PRKG1: variants seen among roughly 807,000 people sequenced by gnomAD.
The protein encoded by PRKG1 is protein kinase cGMP-dependent 1.
A neutral mutation model predicts 88.1 loss-of-function variants in PRKG1; 35 were observed. The observed-to-expected ratio is 0.40, with a 90% CI of 0.30 to 0.53. The LOEUF (loss-of-function observed/expected upper bound fraction) is 0.53. Among genes scored for constraint, PRKG1 ranks in the 20% least tolerant of loss-of-function variants. The pLI is 0.59. For synonymous variants in PRKG1, 303 were observed against 292.5 expected (o/e 1.04, Z -0.37); for missense variants, 540 against 839.8 (o/e 0.64, Z 4.41).
intron 3 of PRKG1, among the ~76,000 whole-genome samples, chr10:51,680,015 CT>C (rs1840809546): frequency 6.6e-6 from 1 of 152,118 alleles, no homozygotes; most frequent in Admixed American, 6.5e-5. Context: ...TACCTACAAC[CT>C]CCCCCTTCCA....
intron 8 of PRKG1, among the ~76,000 whole-genome samples, chr10:52,140,772 G>A (rs1304417372): frequency 6.6e-6 from 1 of 151,692 alleles, no homozygotes; most frequent in Non-Finnish European, 1.5e-5. Flanking sequence ...ACCACTCTAA[G>A]ATCACCAACT....
intron 5 of PRKG1, among the ~76,000 whole-genome samples, chr10:52,011,722 AC>A (rs1313632183): frequency 1.3e-5 from 2 of 151,934 alleles, no homozygotes; most frequent in Non-Finnish European, 2.9e-5. Flanking sequence ...ATTTCTAGTC[AC>A]CTCTTGATAT....
At chr10:51,807,436 G>A (rs904393437) in intron 4 of PRKG1, among the ~76,000 whole-genome samples, 9 of 152,066 alleles carry the variant, frequency 5.9e-5, no homozygotes, top group Admixed American at 1.3e-4. Context: ...ATAAAAAGAC[G>A]GGTTAACAAG....
chr10:52,167,959 A>G (rs1838535851), intron 9 of PRKG1, among the ~76,000 whole-genome samples: 1 of 152,192 alleles, frequency 6.6e-6, no homozygotes, highest in African/African-American at 2.4e-5. Flanking sequence ...ATGGACAGAT[A>G]GATTTTCATC....
At chr10:51,209,102 C>A (rs745946691) in intron 2 of PRKG1, among the ~76,000 whole-genome samples, 3 of 152,286 alleles carry the variant, frequency 2.0e-5, no homozygotes, top group Non-Finnish European at 4.4e-5. Flanking sequence ...ATGATATATT[C>A]ACTTTCAGGT....
In PRKG1 at chr10:52,252,398, C is replaced by G. The variant is rs1323477808; in HGVS notation, c.1173+732C>G. 5 of 151,914 alleles carry G rather than the reference C, an allele frequency of 3.3e-5. No individual in the cohort carries two copies. The East Asian group carries it at 9.7e-4, about 29-fold the overall frequency. 9.4% of individuals were successfully genotyped at this position (151,914 alleles called of 1,614,324 possible). The stretch of plus-strand genomic sequence containing the variant: ...CACAAGAATTAGAAAAAAATGTACT[C>G]TTATGACTAACTGCATTTCAAGACG... On this transcript the variant is annotated intron_variant, in intron 10 of 17. Coordinates refer to ENST00000373980, the MANE Select transcript of PRKG1 (RefSeq NM_006258.4).
chr10:51,833,519 T>C (rs1316928533), intron 4 of PRKG1, among the ~76,000 whole-genome samples: 1 of 152,222 alleles, frequency 6.6e-6, no homozygotes, highest in Non-Finnish European at 1.5e-5. Context: ...CATTTATAGG[T>C]AGTAGAGCTG....
chr10:51,395,026 T>A (rs952550130), intron 2 of PRKG1, among the ~76,000 whole-genome samples: 3 of 152,228 alleles, frequency 2.0e-5, no homozygotes, highest in African/African-American at 7.2e-5. Flanking sequence ...TTGGGAAACT[T>A]GCTTTATAAT....
chr10:52,063,346 C>A (rs1489726814), intron 7 of PRKG1, among the ~76,000 whole-genome samples: 1 of 152,196 alleles, frequency 6.6e-6, no homozygotes, highest in Non-Finnish European at 1.5e-5. Flanking sequence ...AGCAGCTTCC[C>A]CGGCTAGCAT....
chr10:51,877,512 A>G (rs1423854397), intron 4 of PRKG1, among the ~76,000 whole-genome samples: 1 of 152,158 alleles, frequency 6.6e-6, no homozygotes, highest in Non-Finnish European at 1.5e-5. Context: ...CATATTTTAT[A>G]TTTTAAAGCA....
At chr10:51,935,382 C>A (rs749302333) in intron 5 of PRKG1, among the ~76,000 whole-genome samples, 2 of 152,014 alleles carry the variant, frequency 1.3e-5, no homozygotes, top group Non-Finnish European at 2.9e-5. Flanking sequence ...ATGATTTAAA[C>A]AAACAAACAC....
chr10:51,401,667 G>T (rs1837743137), intron 2 of PRKG1, among the ~76,000 whole-genome samples: 1 of 151,976 alleles, frequency 6.6e-6, no homozygotes, highest in African/African-American at 2.4e-5. Context: ...TTTAAAGAAG[G>T]CATCCTGAAA....
intron 1 of PRKG1, among the ~76,000 whole-genome samples, chr10:50,999,978 A>G (rs1842872431): frequency 6.6e-6 from 1 of 152,238 alleles, no homozygotes; most frequent in Non-Finnish European, 1.5e-5. Context: ...AGCACTATCT[A>G]GAACGTATTA....
At chr10:51,234,548 A>C (rs968635788) in intron 2 of PRKG1, among the ~76,000 whole-genome samples, 1 of 152,156 alleles carries the variant, frequency 6.6e-6, no homozygotes, top group African/African-American at 2.4e-5. Flanking sequence ...ACCAAACAGG[A>C]TTTATCTCTG....
At chr10:51,961,909 A>C (rs1455548467) in intron 5 of PRKG1, among the ~76,000 whole-genome samples, 1 of 152,198 alleles carries the variant, frequency 6.6e-6, no homozygotes, top group African/African-American at 2.4e-5. Flanking sequence ...TATCCACGTC[A>C]GGAAAGACAA....
intron 3 of PRKG1, among the ~76,000 whole-genome samples, chr10:51,470,972 T>C (rs1413149877): frequency 6.6e-6 from 1 of 151,892 alleles, no homozygotes; most frequent in Non-Finnish European, 1.5e-5. Flanking sequence ...AATAATATTT[T>C]TAAAAAATCA....
At chr10:51,470,252 C>T (rs1287458564) in intron 3 of PRKG1, among the ~76,000 whole-genome samples, 3 of 151,790 alleles carry the variant, frequency 2.0e-5, no homozygotes, top group African/African-American at 4.8e-5. Context: ...ATTATATCAA[C>T]TTGTCCATAT....
At chr10:51,747,124 G>A (rs1345367176) in intron 3 of PRKG1, among the ~76,000 whole-genome samples, 1 of 152,172 alleles carries the variant, frequency 6.6e-6, no homozygotes, top group Non-Finnish European at 1.5e-5. Flanking sequence ...AGAGTGGAGA[G>A]GAGAGGAAAG....
At chr10:52,115,319 T>G (rs1847661091) in intron 7 of PRKG1, among the ~76,000 whole-genome samples, 1 of 152,138 alleles carries the variant, frequency 6.6e-6, no homozygotes, top group African/African-American at 2.4e-5. Context: ...TGCTGAAATT[T>G]TAAAGGACAT....
Sources: gnomAD v4.1 joint callset for allele counts (sites outside exome capture counted in the v4.1 genomes callset) on GRCh38, gnomAD v4.1.1 for gene constraint, MANE v1.5 for transcripts, NCBI Gene and HGNC (gene_info 2026-07-23, HGNC 2026-07-21) for gene names.